SAMMSON: variants seen among roughly 807,000 people sequenced by gnomAD.
SAMMSON encodes survival associated mitochondrial melanoma specific oncogenic non-coding RNA, also known as long intergenic non-protein coding RNA 1212.
At chr3:70,312,596 T>G (rs1332574480) in intron 7 of SAMMSON, 1 of 152,346 alleles carries the variant, frequency 6.6e-6, no homozygotes, top group Admixed American at 6.5e-5. Context: ...TGGGGAGCAG[T>G]GAGCTGCAGC....
At chr3:70,289,869 G>C (rs1051941032) in intron 6 of SAMMSON, among the ~76,000 whole-genome samples, 1 of 151,858 alleles carries the variant, frequency 6.6e-6, no homozygotes, top group Admixed American at 6.6e-5. Context: ...TGAGGCTTCT[G>C]CATTCTTCAC....
At chr3:70,284,981 T>A (rs1335228979) in intron 6 of SAMMSON, among the ~76,000 whole-genome samples, 1 of 152,166 alleles carries the variant, frequency 6.6e-6, no homozygotes, top group Non-Finnish European at 1.5e-5. Context: ...GTTACATGGG[T>A]TAAACTTAAA....
At chr3:70,097,889 T>A (rs1276947028) in intron 4 of SAMMSON, among the ~76,000 whole-genome samples, 1 of 152,178 alleles carries the variant, frequency 6.6e-6, no homozygotes, top group Non-Finnish European at 1.5e-5. Context: ...ATAAAGCACT[T>A]ATGGAGCACA....
intron 6 of SAMMSON, among the ~76,000 whole-genome samples, chr3:70,266,284 A>G (rs1701916450): frequency 6.6e-6 from 1 of 151,264 alleles, no homozygotes; most frequent in African/African-American, 2.5e-5. Context: ...ATGTACTTCT[A>G]ATGTCAAATT....
chr3:70,181,679 T>A (rs1184916406), intron 4 of SAMMSON, among the ~76,000 whole-genome samples: 1 of 152,216 alleles, frequency 6.6e-6, no homozygotes, highest in Non-Finnish European at 1.5e-5. Context: ...TTCCTTGAAT[T>A]CTTCTTTTGA....
At chr3:70,119,754 A>G (rs1436881085) in intron 4 of SAMMSON, among the ~76,000 whole-genome samples, 1 of 152,206 alleles carries the variant, frequency 6.6e-6, no homozygotes, top group Admixed American at 6.5e-5. Flanking sequence ...CACATTATCT[A>G]TGTATATATC....
At chr3:70,200,428 C>T (rs1402233561) in intron 4 of SAMMSON, among the ~76,000 whole-genome samples, 1 of 152,198 alleles carries the variant, frequency 6.6e-6, no homozygotes, top group Non-Finnish European at 1.5e-5. Context: ...GCCACACTGA[C>T]TAAATTGCAG....
intron 9 of SAMMSON, among the ~76,000 whole-genome samples, chr3:70,361,344 T>C (rs1170067694): frequency 6.6e-6 from 1 of 152,162 alleles, no homozygotes; most frequent in African/African-American, 2.4e-5. Flanking sequence ...AGATTACCAA[T>C]TTTCAAAGAA....
intron 2 of SAMMSON, among the ~76,000 whole-genome samples, chr3:70,399,732 T>C (rs1243610807): frequency 2.0e-5 from 3 of 151,010 alleles, no homozygotes. Flanking sequence ...CAGCTGGATG[T>C]GGTGGTGTGT....
At chr3:70,192,572 C>G (rs1009810223) in intron 4 of SAMMSON, among the ~76,000 whole-genome samples, 1 of 152,202 alleles carries the variant, frequency 6.6e-6, no homozygotes, top group Admixed American at 6.5e-5. Context: ...TAAACAACCC[C>G]TACTCTCTTG....
intron 4 of SAMMSON, among the ~76,000 whole-genome samples, chr3:70,146,799 C>T (rs1403492670): frequency 6.6e-6 from 1 of 151,980 alleles, no homozygotes; most frequent in Non-Finnish European, 1.5e-5. Flanking sequence ...TTCAACATCA[C>T]ACTGCAAACC....
At chr3:70,029,731 C>T (rs1283603670) in intron 3 of SAMMSON, among the ~76,000 whole-genome samples, 11 of 142,886 alleles carry the variant, frequency 7.7e-5, no homozygotes, top group African/African-American at 1.6e-4. Flanking sequence ...TTCCAATCTG[C>T]GTGACAGAGT....
chr3:70,245,299 G>T (rs1011724086), intron 4 of SAMMSON, among the ~76,000 whole-genome samples: 2 of 151,806 alleles, frequency 1.3e-5, no homozygotes, highest in African/African-American at 4.8e-5. Flanking sequence ...AATTACTTTT[G>T]GATAACATTT....
chr3:70,109,671 C>T (rs1474186695), intron 4 of SAMMSON, among the ~76,000 whole-genome samples: 3 of 152,190 alleles, frequency 2.0e-5, no homozygotes, highest in South Asian at 2.1e-4. Context: ...AGCATCTCCA[C>T]GTTTCAGATG....
At chr3:70,138,124 G>A (rs1273886339) in intron 4 of SAMMSON, among the ~76,000 whole-genome samples, 1 of 152,152 alleles carries the variant, frequency 6.6e-6, no homozygotes, top group Non-Finnish European at 1.5e-5. Flanking sequence ...AGATTCAAAT[G>A]TAAAAGCATG....
intron 2 of SAMMSON, among the ~76,000 whole-genome samples, chr3:70,434,130 G>A (rs1701438084): frequency 6.6e-6 from 1 of 152,140 alleles, no homozygotes; most frequent in Non-Finnish European, 1.5e-5. Flanking sequence ...GCCTTTCCAT[G>A]TAAACTTTAG....
chr3:70,093,231 A>G (rs2067311419), intron 4 of SAMMSON, among the ~76,000 whole-genome samples: 2 of 152,180 alleles, frequency 1.3e-5, no homozygotes, highest in African/African-American at 4.8e-5. Context: ...GACAGAGAGC[A>G]CACTCAATGT....
chr3:70,379,885 G>T (rs1373395585), intron 9 of SAMMSON, among the ~76,000 whole-genome samples: 1 of 152,040 alleles, frequency 6.6e-6, no homozygotes, highest in African/African-American at 2.4e-5. Context: ...AAAAATAAAC[G>T]CTAAGAATAT....
intron 4 of SAMMSON, chr3:70,120,289 C>T (rs1444334091): frequency 6.6e-6 from 1 of 152,054 alleles, no homozygotes; most frequent in African/African-American, 2.4e-5. Context: ...AGAATGGAAC[C>T]CAGGGATGTA....
Sources: allele counts gnomAD v4.1 joint callset (sites outside exome capture counted in the v4.1 genomes callset), GRCh38; gene constraint gnomAD v4.1.1; transcripts MANE v1.5; gene names NCBI Gene and HGNC (gene_info 2026-07-23, HGNC 2026-07-21).